SLC41A1: variants seen among roughly 807,000 people sequenced by gnomAD.
SLC41A1 encodes the protein solute carrier family 41 member 1, also known as solute carrier family 41 (magnesium transporter), member 1.
SLC41A1 carries 20 observed loss-of-function variants against 47.3 expected under a neutral mutation model. The observed-to-expected ratio is 0.42, with a 90% CI of 0.30 to 0.61. The LOEUF is 0.61. Among genes scored for constraint, SLC41A1 ranks in the 20% least tolerant of loss-of-function variants. The pLI is 0.17. For missense variants in SLC41A1, 504 were observed against 674.1 expected, an observed-to-expected ratio of 0.75 and a Z score of 2.79; for synonymous variants, 282 against 272.7, an observed-to-expected ratio of 1.03 and a Z score of -0.34.
intron 1 of SLC41A1, among the ~76,000 whole-genome samples, chr1:205,811,904 C>T (rs2102513598): frequency 6.6e-6 from 1 of 152,330 alleles, no homozygotes; most frequent in East Asian, 1.9e-4. Flanking sequence ...GCTTATTACC[C>T]ACGCATTTCA....
In SLC41A1 at chr1:205,806,304, C is replaced by T. The variant is rs139712022; in HGVS notation, c.372+3766G>A. On this transcript the variant is annotated intron_variant, in intron 2 of 10. Coordinates refer to ENST00000367137, the MANE Select transcript of SLC41A1 (RefSeq NM_173854.6). The stretch of plus-strand genomic sequence containing the variant: ...TGCGGCCACAGGAGCAGGCCAGGCA[C>T]AGGAGGAATACTTCCTTCCCACTCT... Among the ~76,000 whole-genome samples, 510 of 152,336 alleles carry T rather than the reference C, an allele frequency of 3.3e-3. 5 individuals carry two copies. Among genetic ancestry groups the T allele is most frequent in the African/African-American group, 0.012 (488 of 41,560 alleles).
intron 2 of SLC41A1, among the ~76,000 whole-genome samples, chr1:205,803,257 G>A (rs990351811): frequency 5.9e-5 from 9 of 152,084 alleles, no homozygotes; most frequent in African/African-American, 7.2e-5. Context: ...AAAACAGTAC[G>A]GTGGTTCCTC....
chr1:205,799,173 G>A (rs750107986), intron 4 of SLC41A1, 72 bp from the exon 5 acceptor site: 35 of 1,599,930 alleles, frequency 2.2e-5, no homozygotes, highest in Non-Finnish European at 2.9e-5. Flanking sequence ...ATAAGCATCT[G>A]GGCAGACCTC....
intron 2 of SLC41A1, 190 bp from the exon 3 acceptor site, chr1:205,801,250 C>T: frequency 1.7e-6 from 1 of 573,332 alleles, no homozygotes; most frequent in Non-Finnish European, 3.2e-6. Flanking sequence ...CACAACCCCC[C>T]TTCCTGCCAC....
In SLC41A1 at chr1:205,795,206, C is replaced by A. The variant is rs1470237394; in HGVS notation, c.1207+138G>T. On this transcript the variant is annotated intron_variant, in intron 9 of 10. Coordinates refer to ENST00000367137, the MANE Select transcript of SLC41A1 (RefSeq NM_173854.6). The stretch of plus-strand genomic sequence containing the variant: ...AAAAGACAGCCCTCCTGCCTGGGCT[C>A]TGCCCTTCAGAACAGCTGGCACAGC... 7 of 1,482,426 alleles carry A rather than the reference C, an allele frequency of 4.7e-6. No individual in the cohort carries two copies. The African/African-American group carries it at 8.4e-5, about 18-fold the overall frequency. The allele number at this position is 1,482,426 out of a possible 1,614,324, so 91.8% of individuals were successfully genotyped here. A position where few individuals can be genotyped will look rare whatever the true frequency, so the allele number is the denominator to read the frequency against.
chr1:205,808,687 A>T (rs1656073060), intron 2 of SLC41A1, among the ~76,000 whole-genome samples: 1 of 152,180 alleles, frequency 6.6e-6, no homozygotes, highest in South Asian at 2.1e-4. Context: ...AGCAGGAGGA[A>T]CCCAAAGCTC....
rs1030489093 is a variant in SLC41A1 at position 205,810,772 on chromosome 1, G to C, written c.-331C>G. The stretch of plus-strand genomic sequence containing the variant: ...TTATCTTCTTTGGTTCTCAGTGGCA[G>C]GCTCCTCAGAGCAGGGGGCATCCAG... On this transcript the variant is annotated 5_prime_UTR_variant, in exon 2 of 11. Transcript: ENST00000367137. The surrounding 1 kb of genome is among the most constrained non-coding windows in gnomAD (Gnocchi z 5.5). 3 of 383,156 alleles carry C rather than the reference G, an allele frequency of 7.8e-6. No homozygotes were observed. Among genetic ancestry groups the C allele is most frequent in the African/African-American group, 6.2e-5 (3 of 48,340 alleles). 23.7% of individuals were successfully genotyped at this position (383,156 alleles called of 1,614,324 possible).
chr1:205,806,606 T>C (rs1386837256), intron 2 of SLC41A1, among the ~76,000 whole-genome samples: 1 of 152,192 alleles, frequency 6.6e-6, no homozygotes. Context: ...GAGGCTCCCA[T>C]ATCCCAACCC....
chr1:205,791,474 C>A lies in SLC41A1; in HGVS notation c.*59G>T, dbSNP rs770302311. 3.7e-5 allele frequency: 59 copies of A among 1,608,544 alleles called. No homozygotes were observed. The highest frequency in any genetic ancestry group is 8.0e-5 in the African/African-American group (6 of 74,734). On this transcript the variant is annotated 3_prime_UTR_variant, in exon 11 of 11. Transcript: ENST00000367137. This position sits in a 1 kb window ranked among gnomAD's most constrained non-coding sequence, Gnocchi z 4.0. ...GTGGGGTGGAGGAGGGACAGGGGAA[C>A]AAAAGAAAAATTTCAAATAGAAAGT...
chr1:205,796,869 C>A, intron 8 of SLC41A1, 55 bp downstream of exon 8: 1 of 1,560,164 alleles, frequency 6.4e-7, no homozygotes, highest in South Asian at 1.2e-5. Flanking sequence ...TCCTCTTCTC[C>A]TGTCCCTTTC....
In SLC41A1 at chr1:205,791,859, A is replaced by T. The variant is rs1655635997; in HGVS notation, c.1357-141T>A. ...TTTTTAATCTTCCTCTTTCCACCCC[A>T]GCAACCTCTCTGTGTTTCTCCACCC... On this transcript the variant is annotated intron_variant, in intron 10 of 10. Transcript: ENST00000367137. This position sits in a 1 kb window ranked among gnomAD's most constrained non-coding sequence, Gnocchi z 4.0. The T allele has an allele frequency of 9.4e-7, 1 of 1,065,586 alleles. No homozygotes were observed. The highest frequency in any genetic ancestry group is 1.4e-5 in the South Asian group (1 of 72,092). 66.0% of individuals were successfully genotyped at this position (1,065,586 alleles called of 1,614,324 possible).
intron 4 of SLC41A1, among the ~76,000 whole-genome samples, chr1:205,799,508 C>T (rs1558080802): frequency 6.6e-6 from 1 of 152,164 alleles, no homozygotes; most frequent in African/African-American, 2.4e-5. Flanking sequence ...GCTCATATTG[C>T]CAGGATCTGC....
At chr1:205,796,259 AC>A (rs1655747920) in intron 8 of SLC41A1, 1 of 158,514 alleles carries the variant, frequency 6.3e-6, no homozygotes, top group South Asian at 1.9e-4. Context: ...CAGAGCTTTC[AC>A]TGGACTCCTA....
intron 7 of SLC41A1, among the ~76,000 whole-genome samples, chr1:205,797,276 C>T (rs116536481): frequency 0.01 from 1,569 of 152,334 alleles, 23 homozygotes; most frequent in African/African-American, 0.036. Context: ...GGAGGAGCAG[C>T]CTGCAGGACT....
Position 205,803,410 on chromosome 1 carries a change from A to G in SLC41A1, c.373-2350T>C, listed in dbSNP as rs539728791. ...CTATATGTAATAACCAAGAGGTGGAAGCAACCCAAATGTCCATCAAGGAAT... is the reference window on the plus strand; with the variant it reads ...CTATATGTAATAACCAAGAGGTGGAGGCAACCCAAATGTCCATCAAGGAAT... On this transcript the variant is annotated intron_variant, in intron 2 of 10. Coordinates refer to ENST00000367137, the MANE Select transcript of SLC41A1 (RefSeq NM_173854.6). 6.8e-4 allele frequency among the ~76,000 whole-genome samples: 104 copies of G among 152,336 alleles called. 1 individual carries two copies. The highest frequency in any genetic ancestry group is 2.4e-3 in the African/African-American group (99 of 41,586).
At chr1:205,792,216 G>A (rs538946292) in intron 10 of SLC41A1, among the ~76,000 whole-genome samples, 94 of 152,256 alleles carry the variant, frequency 6.2e-4, no homozygotes, top group African/African-American at 2.2e-3. Context: ...TGCTGCTGGC[G>A]GTTGTCTTAA....
At chr1:205,800,147 T>C (rs1438982778) in intron 3 of SLC41A1, among the ~76,000 whole-genome samples, 3 of 152,228 alleles carry the variant, frequency 2.0e-5, no homozygotes, top group Non-Finnish European at 4.4e-5. Flanking sequence ...CATTCCTGCA[T>C]GGGTCAGAAC....
intron 10 of SLC41A1, among the ~76,000 whole-genome samples, chr1:205,794,645 G>T (rs137906000): frequency 6.6e-6 from 1 of 152,076 alleles, no homozygotes; most frequent in African/African-American, 2.4e-5. Context: ...CAACTGTATC[G>T]CTGAGGATCA....
At position 205,798,014 on chromosome 1, in the gene SLC41A1, G is replaced by T. The variant is rs1393128936; in HGVS notation, c.882C>A (p.Phe294Leu). ...CCCAGACAGGCAGCAGGGCCACAAA[G>T]AAAGCACACACCAGTGGGTAGATGT... ...WRYIYPLVCA[F>L]FVALLPVWVV... Residue 294 changes from phenylalanine (F) to leucine (L), a missense_variant, in exon 7 of 11, where the codon TTC becomes TTA. By Grantham distance (22) the Phe-to-Leu change is conservative (BLOSUM62 0). Coordinates refer to ENST00000367137, the MANE Select transcript of SLC41A1 (RefSeq NM_173854.6). 1 of 1,614,060 alleles carries T rather than the reference G, an allele frequency of 6.2e-7. No individual in the cohort carries two copies. Among genetic ancestry groups the T allele is most frequent in the South Asian group, 1.1e-5 (1 of 91,080 alleles).
Sources: allele counts gnomAD v4.1 joint callset (sites outside exome capture counted in the v4.1 genomes callset), GRCh38; gene constraint gnomAD v4.1.1; non-coding constraint Gnocchi (gnomAD v3.1); transcripts MANE v1.5; gene names NCBI Gene and HGNC (gene_info 2026-07-23, HGNC 2026-07-21).